Variants in PRR5L observed in about 807,000 individuals in gnomAD.
PRR5L encodes proline rich 5 like.
Under a neutral mutation model 36.4 loss-of-function variants are expected in PRR5L, and 21 were observed. The observed-to-expected ratio is 0.58, with a 90% CI of 0.41 to 0.83. The LOEUF is 0.83. Ranked by LOEUF, PRR5L falls within the 40% of genes least tolerant of loss-of-function variation. The pLI, the probability that PRR5L is intolerant of heterozygous loss-of-function variation, is 0.00. For synonymous variants in PRR5L, 188 were observed against 197.0 expected, an observed-to-expected ratio of 0.95 and a Z score of 0.38; for missense variants, 381 against 473.3, an observed-to-expected ratio of 0.80 and a Z score of 1.81.
intron 4 of PRR5L, among the ~76,000 whole-genome samples, chr11:36,425,069 G>T (rs984374441): frequency 6.6e-6 from 1 of 152,054 alleles, no homozygotes; most frequent in Non-Finnish European, 1.5e-5. Context: ...TGATCCACCC[G>T]CCTCGGCCTC....
At chr11:36,351,662 TATATTTATATAC>T (rs1408587163) in intron 1 of PRR5L, among the ~76,000 whole-genome samples, 267 of 3,762 alleles carry the variant, frequency 0.071, 76 homozygotes, top group African/African-American at 0.17. Context: ...TATATAAATA[TATATTTATATAC>T]TTATATATTT....
At chr11:36,432,522 C>A (rs530861745) in intron 5 of PRR5L, among the ~76,000 whole-genome samples, 10 of 152,178 alleles carry the variant, frequency 6.6e-5, no homozygotes, top group African/African-American at 2.2e-4. Context: ...CCAAGGGCTA[C>A]TCTTAGCTCC....
intron 1 of PRR5L, among the ~76,000 whole-genome samples, chr11:36,363,624 A>G (rs567692098): frequency 1.3e-5 from 2 of 152,196 alleles, no homozygotes; most frequent in Non-Finnish European, 2.9e-5. Context: ...GAAGGGCCCC[A>G]GCTCCTAGAC....
chr11:36,412,234 C>G (rs1858042475), intron 3 of PRR5L, among the ~76,000 whole-genome samples: 1 of 152,042 alleles, frequency 6.6e-6, no homozygotes, highest in African/African-American at 2.4e-5. Flanking sequence ...GGGTCAGTTT[C>G]CTTGTATATT....
chr11:36,314,438 C>A (rs1011648874), intron 1 of PRR5L, among the ~76,000 whole-genome samples: 1 of 152,132 alleles, frequency 6.6e-6, no homozygotes, highest in African/African-American at 2.4e-5. Flanking sequence ...GGTGAGGGGA[C>A]GTATATTGCA....
rs4756314 is a variant in PRR5L, at chr11:36,419,882, A to T, written c.294+579A>T. The stretch of plus-strand genomic sequence containing the variant: ...TATTACCGAGAAAATAGTTTTGACC[A>T]TGGGGATCCCTTGAAAGAGTTTGGG... On this transcript the variant is annotated intron_variant, in intron 4 of 8. Coordinates refer to ENST00000530639, the MANE Select transcript of PRR5L (RefSeq NM_001160167.2). 8.0e-3 allele frequency among the ~76,000 whole-genome samples: 1,217 copies of T among 152,302 alleles called. 12 individuals are homozygous for T. The highest frequency in any genetic ancestry group is 0.026 in the African/African-American group (1,101 of 41,552).
intron 1 of PRR5L, among the ~76,000 whole-genome samples, chr11:36,314,251 G>T (rs186936397): frequency 6.6e-6 from 1 of 152,214 alleles, no homozygotes; most frequent in Admixed American, 6.5e-5. Flanking sequence ...AATTATTTAC[G>T]TAACTTGGAT....
chr11:36,314,951 C>T (rs1422987323), intron 1 of PRR5L, among the ~76,000 whole-genome samples: 1 of 152,200 alleles, frequency 6.6e-6, no homozygotes, highest in Non-Finnish European at 1.5e-5. Flanking sequence ...GATTGCAAAA[C>T]ATAGAACAGC....
chr11:36,333,885 G>A (rs546654848), intron 1 of PRR5L, among the ~76,000 whole-genome samples: 1 of 152,278 alleles, frequency 6.6e-6, no homozygotes, highest in East Asian at 1.9e-4. Context: ...TATAAAAAGT[G>A]TATGTAGATT....
intron 7 of PRR5L, among the ~76,000 whole-genome samples, chr11:36,449,608 C>T (rs1027789227): frequency 6.6e-6 from 1 of 152,226 alleles, no homozygotes; most frequent in Admixed American, 6.5e-5. Context: ...TCTCAGGGGC[C>T]CCAGCCAGGC....
At chr11:36,304,607 C>T (rs1184153367) in intron 1 of PRR5L, among the ~76,000 whole-genome samples, 1 of 152,208 alleles carries the variant, frequency 6.6e-6, no homozygotes, top group Non-Finnish European at 1.5e-5. Context: ...TAAACCCCTG[C>T]TAGTAAACAT....
Position 36,465,174 on chromosome 11 carries a change from G to T in PRR5L, c.*2438G>T, listed in dbSNP as rs1859270890. On this transcript the variant is annotated 3_prime_UTR_variant, in exon 9 of 9. Coordinates refer to ENST00000530639, the MANE Select transcript of PRR5L (RefSeq NM_001160167.2). ...CTTTCATGTTGTCTGTTTCCAAAAT[G>T]GATTCAATAAACAACATTTTGTCCA... The T allele has an allele frequency of 1.3e-5, 2 of 152,130 alleles. No individual in the cohort carries two copies. Among genetic ancestry groups the T allele is most frequent in the African/African-American group, 4.8e-5 (2 of 41,428 alleles). 9.4% of individuals were successfully genotyped at this position (152,130 alleles called of 1,614,324 possible). A position where few individuals can be genotyped will look rare whatever the true frequency, so the allele number is the denominator to read the frequency against.
chr11:36,336,529 CTT>C (rs36024089), intron 1 of PRR5L, among the ~76,000 whole-genome samples: 12,768 of 104,226 alleles, frequency 0.12, 647 homozygotes, highest in Middle Eastern at 0.17. Flanking sequence ...CGCGCCTGGC[CTT>C]TTTTTTTTTT....
intron 4 of PRR5L, chr11:36,426,032 C>T (rs1284027126): frequency 1.3e-5 from 2 of 152,230 alleles, no homozygotes; most frequent in Admixed American, 6.5e-5. Flanking sequence ...GCCAGGCACT[C>T]CCCTTGCTAG....
chr11:36,459,139 A>T lies in PRR5L; in HGVS notation c.713-3203A>T, dbSNP rs534137969. On this transcript the variant is annotated intron_variant, in intron 8 of 8. Transcript: ENST00000530639. ...CTCTCTCCCAGGCCAGACCGGTTGC[A>T]GTGGCTGGACCATCCCACGCCTCTG... is the stretch of plus-strand genomic sequence containing the variant. Among the ~76,000 whole-genome samples the T allele has an allele frequency of 1.2e-3, 177 of 152,302 alleles. 1 individual carries two copies. Among genetic ancestry groups the T allele is most frequent in the Middle Eastern group, 6.8e-3 (2 of 294 alleles).
At chr11:36,372,976 TTGTG>T (rs36076560) in intron 1 of PRR5L, among the ~76,000 whole-genome samples, 205 of 146,750 alleles carry the variant, frequency 1.4e-3, no homozygotes, top group African/African-American at 3.9e-3. Context: ...TGCCTAATAG[TTGTG>T]TGTGTGTGTG....
chr11:36,461,853 G>A (rs1859189013), intron 8 of PRR5L, among the ~76,000 whole-genome samples: 1 of 152,080 alleles, frequency 6.6e-6, no homozygotes, highest in African/African-American at 2.4e-5. Context: ...TGCTACCTTG[G>A]GTTTGACAAC....
rs577373604 is a variant in PRR5L, at chr11:36,377,945, G to A, written c.-125-23052G>A. 2.0e-5 allele frequency among the ~76,000 whole-genome samples: 3 copies of A among 152,266 alleles called. No homozygotes were observed. Among genetic ancestry groups the A allele is most frequent in the African/African-American group, 7.2e-5 (3 of 41,552 alleles). ...ACACGTGCACATTCAGATGACCCATGCTAAGGACCAAAGGGATGCCACCGG... is the reference window on the plus strand; with the variant it reads ...ACACGTGCACATTCAGATGACCCATACTAAGGACCAAAGGGATGCCACCGG... On this transcript the variant is annotated intron_variant, in intron 1 of 8. Transcript: ENST00000530639. This position sits in a 1 kb window ranked among gnomAD's most constrained non-coding sequence, Gnocchi z 5.1.
chr11:36,441,581 G>C (rs1334286777), intron 6 of PRR5L, among the ~76,000 whole-genome samples: 1 of 152,178 alleles, frequency 6.6e-6, no homozygotes, highest in African/African-American at 2.4e-5. Context: ...CAGGCTCAGG[G>C]TGCAAGCCGG....
Sources: gnomAD v4.1 joint callset for allele counts (sites outside exome capture counted in the v4.1 genomes callset) on GRCh38, gnomAD v4.1.1 for gene constraint, Gnocchi (gnomAD v3.1) non-coding constraint, MANE v1.5 for transcripts, NCBI Gene and HGNC (gene_info 2026-07-23, HGNC 2026-07-21) for gene names.